MYH15: variants seen among roughly 807,000 people sequenced by gnomAD.
MYH15 encodes the protein myosin heavy chain 15.
MYH15 carries 227 observed loss-of-function variants against 240.5 expected under a neutral mutation model. The observed-to-expected ratio is 0.94, with a 90% CI of 0.85 to 1.05. The LOEUF (loss-of-function observed/expected upper bound fraction) is 1.05. Ranked by LOEUF, MYH15 falls within the 50% of genes least tolerant of loss-of-function variation. The pLI is 0.00. For missense variants in MYH15, 2,217 were observed against 2,247.5 expected, an observed-to-expected ratio of 0.99 and a Z score of 0.27; for synonymous variants, 785 against 796.7, an observed-to-expected ratio of 0.99 and a Z score of 0.25.
chr3:108,506,700 C>A (rs1364687345), intron 1 of MYH15, among the ~76,000 whole-genome samples: 2 of 152,090 alleles, frequency 1.3e-5, no homozygotes, highest in Non-Finnish European at 2.9e-5. Context: ...GCCTGGGCAA[C>A]ATAGCAAGAC....
chr3:108,445,027 T>C, intron 21 of MYH15, 132 bp from the exon 22 acceptor site: 1 of 1,023,412 alleles, frequency 9.8e-7, no homozygotes, highest in Non-Finnish European at 1.4e-6. Context: ...AAAGCACTTT[T>C]ATATCTGGAC....
At chr3:108,415,528 A>G (rs2082626068) in intron 29 of MYH15, among the ~76,000 whole-genome samples, 1 of 152,264 alleles carries the variant, frequency 6.6e-6, no homozygotes, top group Admixed American at 6.5e-5. Context: ...TAAACAAGAC[A>G]AAGACAAAAT....
chr3:108,421,187 A>G lies in MYH15; in HGVS notation c.3730T>C (p.Tyr1244His), dbSNP rs1002122178. Residue 1244 changes from tyrosine to histidine, a missense_variant, in exon 28 of 41, where the codon TAT (tyrosine) becomes CAT (histidine). Coordinates refer to ENST00000693548, the MANE Select transcript of MYH15 (RefSeq NM_014981.3). ...KANAEKLCTL[Y>H]EERLHEATAK... ...GTTGCTTCATGCAAGCGCTCTTCAT[A>G]TAGAGTACAGAGTTTCTCAGCATTT... 8 of 1,613,464 alleles carry G rather than the reference A, an allele frequency of 5.0e-6. No homozygotes were observed. In the African/African-American group the frequency reaches 1.1e-4, roughly 22 times the overall value.
intron 1 of MYH15, among the ~76,000 whole-genome samples, chr3:108,507,840 G>T (rs1462687744): frequency 1.3e-5 from 2 of 152,030 alleles, no homozygotes; most frequent in East Asian, 3.9e-4. Context: ...ATTTTGCTTT[G>T]TGTTATGTCT....
At chr3:108,455,536 G>C (rs2083011503) in intron 20 of MYH15, among the ~76,000 whole-genome samples, 200 bp downstream of exon 20, 1 of 152,156 alleles carries the variant, frequency 6.6e-6, no homozygotes, top group African/African-American at 2.4e-5. Context: ...TGTAAATGTA[G>C]TCAAAACTGA....
intron 18 of MYH15, among the ~76,000 whole-genome samples, chr3:108,459,049 G>C (rs939356185): frequency 2.0e-5 from 3 of 152,060 alleles, no homozygotes; most frequent in Non-Finnish European, 2.9e-5. Flanking sequence ...TTTTATTATA[G>C]TTTGTCCTTG....
chr3:108,405,485 A>C (rs367903026), intron 32 of MYH15, 32 bp from the exon 33 acceptor site: 321 of 1,347,874 alleles, frequency 2.4e-4, no homozygotes, highest in Non-Finnish European at 2.8e-4. Flanking sequence ...CATTAAATGA[A>C]GTCCACTTTT....
At chr3:108,443,122 C>T (rs2107570296) in intron 22 of MYH15, among the ~76,000 whole-genome samples, 1 of 152,252 alleles carries the variant, frequency 6.6e-6, no homozygotes, top group Admixed American at 6.5e-5. Context: ...TACCTATTCC[C>T]TAAACCAAAA....
At chr3:108,535,975 T>C in the MYH15 span, among the ~76,000 whole-genome samples, 1 of 152,168 alleles carries the variant, frequency 6.6e-6, no homozygotes, top group Non-Finnish European at 1.5e-5. Flanking sequence ...AGAAAAACAG[T>C]TGCATGTTTA....
intron 29 of MYH15, 84 bp downstream of exon 29, chr3:108,416,728 T>C: frequency 8.7e-7 from 1 of 1,150,364 alleles, no homozygotes; most frequent in Non-Finnish European, 1.3e-6. Context: ...TTACAAAACA[T>C]CTTCAGGCTG....
chr3:108,423,718 A>C (rs1412920884), intron 27 of MYH15, among the ~76,000 whole-genome samples: 2 of 152,252 alleles, frequency 1.3e-5, no homozygotes, highest in Admixed American at 6.5e-5. Flanking sequence ...CAGAGAGGCT[A>C]AATAACTAGC....
At chr3:108,442,891 T>A (rs1232322101) in intron 22 of MYH15, among the ~76,000 whole-genome samples, 1 of 151,852 alleles carries the variant, frequency 6.6e-6, no homozygotes, top group Non-Finnish European at 1.5e-5. Context: ...ACAGTTACAA[T>A]CTGAACTCAT....
At chr3:108,517,446 C>A (rs2083582641) in intron 1 of MYH15, among the ~76,000 whole-genome samples, 1 of 152,188 alleles carries the variant, frequency 6.6e-6, no homozygotes, top group African/African-American at 2.4e-5. Flanking sequence ...GATTCTCCTG[C>A]CTCAGCCTCC....
intron 25 of MYH15, among the ~76,000 whole-genome samples, chr3:108,432,877 C>A (rs1013325088): frequency 6.6e-6 from 1 of 152,158 alleles, no homozygotes; most frequent in Non-Finnish European, 1.5e-5. Flanking sequence ...AGGAGCGGGG[C>A]CCTCATGGAG....
At chr3:108,440,002 C>T (rs765478012) in intron 23 of MYH15, 89 bp from the exon 24 acceptor site, 3 of 1,195,960 alleles carry the variant, frequency 2.5e-6, no homozygotes, top group Non-Finnish European at 3.4e-6. Flanking sequence ...TCGTCCAAAA[C>T]TACGCATGAG....
In MYH15 at chr3:108,428,750, G is replaced by T; in HGVS notation, c.3444C>A (p.Ser1148=). The T allele has an allele frequency of 6.2e-7, 1 of 1,613,898 alleles. No individual in the cohort carries two copies. The highest frequency in any genetic ancestry group is 8.5e-7 in the Non-Finnish European group (1 of 1,180,002). ...LNERLEEVGG[S]SLAQLEITKK... is the part of the protein sequence containing the mutation. ...TAGTTATTTCCAGCTGAGCCAAACT[G>T]GATCCTCCTACCTCCTCCAGCCTCT... Residue 1148 remains serine (S), a synonymous_variant, in exon 27 of 41, where the codon TCC becomes TCA. Coordinates refer to ENST00000693548, the MANE Select transcript of MYH15 (RefSeq NM_014981.3).
At chr3:108,494,767 T>TAGTA (rs2083378560) in intron 7 of MYH15, among the ~76,000 whole-genome samples, 1 of 152,214 alleles carries the variant, frequency 6.6e-6, no homozygotes, top group East Asian at 1.9e-4. Context: ...GTGCTAGGGT[T>TAGTA]ACAGGCATGA....
rs1473939379 is a variant in MYH15, at chr3:108,410,593, C to T, written c.4485G>A (p.Lys1495=). ...VGQETLRREN[K]NLQEEISNLT... Reference sequence around the variant, plus strand: ...CCCAGCTCGGTGTACCTTGGAGGTTCTTGTTCTCCCTCCTGAGTGTCTCCT... The same window carrying T: ...CCCAGCTCGGTGTACCTTGGAGGTTTTTGTTCTCCCTCCTGAGTGTCTCCT... Residue 1495 remains lysine (K), a synonymous_variant, in exon 31 of 41, where the codon AAG becomes AAA. Transcript: ENST00000693548. The T allele has an allele frequency of 6.3e-7, 1 of 1,590,522 alleles. No homozygotes were observed. Among genetic ancestry groups the T allele is most frequent in the Admixed American group, 1.7e-5 (1 of 58,988 alleles).
In MYH15 at chr3:108,455,842, G is replaced by C; in HGVS notation, c.2156C>G (p.Pro719Arg). 4 of 1,612,360 alleles carry C rather than the reference G, an allele frequency of 2.5e-6. No homozygotes were observed. The highest frequency in any genetic ancestry group is 3.4e-6 in the Non-Finnish European group (4 of 1,178,612). ...AAACTTGCTCTTTGGAAAGGTCCTT[G>C]GATTCAGAATGCAGTACCTAATTTA... is the stretch of plus-strand genomic sequence containing the variant. ...DFKQRYCILN[P>R]RTFPKSKFVS... The change falls in exon 20 of 41, where the codon CCA (proline) becomes CGA (arginine). Residue 719 changes from proline to arginine, a missense_variant. By Grantham distance (103) the Pro-to-Arg change is moderately radical. Coordinates refer to ENST00000693548, the MANE Select transcript of MYH15 (RefSeq NM_014981.3).
Sources: allele counts gnomAD v4.1 joint callset (sites outside exome capture counted in the v4.1 genomes callset), GRCh38; gene constraint gnomAD v4.1.1; transcripts MANE v1.5; gene names NCBI Gene and HGNC (gene_info 2026-07-23, HGNC 2026-07-21).